IQCM: variants seen among roughly 807,000 people sequenced by gnomAD.
IQCM encodes the protein IQ motif containing M.
In IQCM, 45 loss-of-function variants were observed where a neutral mutation model predicts 57.6. That is an observed-to-expected ratio of 0.78 (90% CI 0.62 to 1.00). IQCM has a LOEUF of 1.00. Ranked by LOEUF, IQCM falls within the 50% of genes least tolerant of loss-of-function variation. IQCM has a pLI of 0.00. For missense variants in IQCM, 468 were observed against 511.6 expected (o/e 0.91, Z 0.82); for synonymous variants, 148 against 158.9 (o/e 0.93, Z 0.51).
rs1030676660 is a variant in IQCM at position 149,757,154 on chromosome 4, A to C, written c.-48-14415T>G. Among the ~76,000 whole-genome samples, 22 of 152,112 alleles carry C rather than the reference A, an allele frequency of 1.4e-4. 1 individual carries two copies. Among genetic ancestry groups the C allele is most frequent in the Admixed American group, 6.5e-5 (1 of 15,276 alleles). ...GCGCCTGTAGTCCCAGCTACTCAGGAGGCTGAGGCAGGAGAATGGCATGAA... is the reference window on the plus strand; with the variant it reads ...GCGCCTGTAGTCCCAGCTACTCAGGCGGCTGAGGCAGGAGAATGGCATGAA... On this transcript the variant is annotated intron_variant, in intron 2 of 13. Coordinates refer to ENST00000636793, the MANE Select transcript of IQCM (RefSeq NM_001363507.2).
At chr4:149,396,098 A>C (rs1202139958) in intron 13 of IQCM, among the ~76,000 whole-genome samples, 1 of 151,866 alleles carries the variant, frequency 6.6e-6, no homozygotes, top group African/African-American at 2.4e-5. Flanking sequence ...TTGCATTTTA[A>C]TTTTTTTACA....
chr4:149,523,118 C>G (rs992410192), intron 12 of IQCM, among the ~76,000 whole-genome samples: 1 of 152,044 alleles, frequency 6.6e-6, no homozygotes, highest in Non-Finnish European at 1.5e-5. Context: ...GCCTTATACT[C>G]GTATCCTCAC....
chr4:149,482,261 GTTCT>G (rs1027430716), intron 12 of IQCM, among the ~76,000 whole-genome samples: 9 of 152,012 alleles, frequency 5.9e-5, no homozygotes, highest in Middle Eastern at 6.8e-3. Context: ...CAATTTGGAT[GTTCT>G]TTATTTCTTC....
At chr4:149,671,481 G>T (rs906018913) in intron 7 of IQCM, among the ~76,000 whole-genome samples, 4 of 152,092 alleles carry the variant, frequency 2.6e-5, no homozygotes, top group Non-Finnish European at 5.9e-5. Context: ...ATTTCCTTCA[G>T]TTCTGCTCTG....
At chr4:149,688,078 T>A (rs891453092) in intron 5 of IQCM, among the ~76,000 whole-genome samples, 1 of 151,916 alleles carries the variant, frequency 6.6e-6, no homozygotes, top group Non-Finnish European at 1.5e-5. Flanking sequence ...CTCTTCAATG[T>A]AATACTGGAA....
intron 13 of IQCM, among the ~76,000 whole-genome samples, chr4:149,358,879 G>GATATACTCTCATGAGGATATCATGATAT (rs1427812018): frequency 6.6e-6 from 1 of 151,868 alleles, no homozygotes; most frequent in Non-Finnish European, 1.5e-5. Context: ...AGTATATCAT[G>GATATACTCTCATGAGGATATCATGATAT]AGACCACAGT....
At chr4:149,807,535 A>C (rs191980643) in intron 2 of IQCM, among the ~76,000 whole-genome samples, 32 of 151,990 alleles carry the variant, frequency 2.1e-4, no homozygotes, top group African/African-American at 7.5e-4. Flanking sequence ...TTTTTTTGGA[A>C]GGTAAGATCT....
intron 2 of IQCM, among the ~76,000 whole-genome samples, chr4:149,791,075 A>G (rs999108563): frequency 1.2e-4 from 18 of 152,182 alleles, no homozygotes; most frequent in Admixed American, 3.3e-4. Flanking sequence ...ACCTTCAGTA[A>G]TTAAAAAGTA....
chr4:149,584,261 T>G (rs2149992796), intron 9 of IQCM, among the ~76,000 whole-genome samples: 1 of 151,740 alleles, frequency 6.6e-6, no homozygotes, highest in South Asian at 2.1e-4. Flanking sequence ...TTTAATCTTA[T>G]GAATTTCTAA....
At chr4:149,501,864 T>C (rs190046228) in intron 12 of IQCM, among the ~76,000 whole-genome samples, 57 of 152,248 alleles carry the variant, frequency 3.7e-4, no homozygotes, top group African/African-American at 1.1e-3. Context: ...ATCAGGAAGG[T>C]TGACCCTGGT....
chr4:149,360,666 C>T (rs141454242), intron 13 of IQCM, among the ~76,000 whole-genome samples: 4 of 152,258 alleles, frequency 2.6e-5, no homozygotes, highest in African/African-American at 9.6e-5. Context: ...TTCTGTTTTG[C>T]TTCTTCCTCA....
At position 149,393,052 on chromosome 4, in the gene IQCM, G is replaced by A. The variant is rs573248811; in HGVS notation, c.1390+40344C>T. The stretch of plus-strand genomic sequence containing the variant: ...TAGCTGGGCACAGTGGCACATGCCT[G>A]TAGTCCTAGCTATTCAGCAGGCTGA... On this transcript the variant is annotated intron_variant, in intron 13 of 13. Transcript: ENST00000636793. 7.9e-5 allele frequency among the ~76,000 whole-genome samples: 12 copies of A among 152,016 alleles called. No individual in the cohort carries two copies. In the East Asian group the frequency reaches 2.3e-3, roughly 30 times the overall value.
intron 13 of IQCM, among the ~76,000 whole-genome samples, chr4:149,409,101 G>A (rs189713819): frequency 2.6e-4 from 40 of 152,266 alleles, no homozygotes; most frequent in Admixed American, 6.5e-5. Context: ...AATAAGGATG[G>A]GCTCCCTACC....
intron 9 of IQCM, among the ~76,000 whole-genome samples, chr4:149,581,768 A>G (rs2149986345): frequency 6.6e-6 from 1 of 151,778 alleles, no homozygotes; most frequent in East Asian, 2.0e-4. Context: ...TTTTTAGTAC[A>G]GTGAGCATCT....
intron 2 of IQCM, among the ~76,000 whole-genome samples, chr4:149,756,446 CAAAG>C (rs1448723064): frequency 6.6e-6 from 1 of 151,984 alleles, no homozygotes; most frequent in East Asian, 1.9e-4. Flanking sequence ...GAGAACAAAA[CAAAG>C]ACTTTCCAAA....
At chr4:149,455,845 T>A (rs545757407) in intron 12 of IQCM, among the ~76,000 whole-genome samples, 1 of 151,484 alleles carries the variant, frequency 6.6e-6, no homozygotes, top group Non-Finnish European at 1.5e-5. Flanking sequence ...TGTGGTAGCA[T>A]GCACTTGCTG....
intron 2 of IQCM, among the ~76,000 whole-genome samples, chr4:149,773,544 G>A (rs994346923): frequency 6.6e-6 from 1 of 152,068 alleles, no homozygotes; most frequent in East Asian, 1.9e-4. Context: ...CTCCAAATCC[G>A]GCATAATGTG....
intron 5 of IQCM, among the ~76,000 whole-genome samples, chr4:149,706,754 G>C (rs1026057653): frequency 6.6e-6 from 1 of 151,824 alleles, no homozygotes; most frequent in African/African-American, 2.4e-5. Context: ...TTAAAACAGT[G>C]GGTTCTGGTC....
intron 12 of IQCM, among the ~76,000 whole-genome samples, chr4:149,435,588 A>C (rs767287224): frequency 1.1e-4 from 16 of 151,238 alleles, no homozygotes; most frequent in Non-Finnish European, 2.2e-4. Context: ...AAAAAAAAAC[A>C]GTAAAACAGC....
Sources: allele counts gnomAD v4.1 joint callset (sites outside exome capture counted in the v4.1 genomes callset), GRCh38; gene constraint gnomAD v4.1.1; transcripts MANE v1.5; gene names NCBI Gene and HGNC (gene_info 2026-07-23, HGNC 2026-07-21).